AIFM2: variants seen among roughly 807,000 people sequenced by gnomAD.
AIFM2 encodes ferroptosis suppressor protein 1.
AIFM2 carries 38 observed loss-of-function variants against 35.7 expected under a neutral mutation model. The observed-to-expected ratio is 1.06, with a 90% confidence interval of 0.82 to 1.39. The LOEUF (loss-of-function observed/expected upper bound fraction) is 1.39. Among genes scored for constraint, AIFM2 ranks in the 40% most tolerant of loss-of-function variants. The pLI is 0.00. For synonymous variants in AIFM2, 185 were observed against 203.5 expected, an observed-to-expected ratio of 0.91 and a Z score of 0.77; for missense variants, 476 against 491.2, an observed-to-expected ratio of 0.97 and a Z score of 0.29.
Position 70,132,764 on chromosome 10 carries a change from G to GGCTCCCGCTCCGGCTCCC in AIFM2, c.-45_-44insGGGAGCCGGAGCGGGAGC, listed in dbSNP as rs2072641403. 2.0e-5 allele frequency: 3 copies of GGCTCCCGCTCCGGCTCCC among 152,486 alleles called. No individual in the cohort carries two copies. The highest frequency in any genetic ancestry group is 7.3e-5 in the African/African-American group (3 of 41,168). The allele number at this position is 152,486 out of a possible 1,614,324, so 9.4% of individuals were successfully genotyped here. A position where few individuals can be genotyped will look rare whatever the true frequency, so the allele number is the denominator to read the frequency against. ...GGCCGCGCCCGCGCGCTCTCGCTCC[G>GGCTCCCGCTCCGGCTCCC]GCTCCCGCTCCCGCTCCCGCTCCCG... On this transcript the variant is annotated 5_prime_UTR_variant, in exon 1 of 9. Coordinates refer to ENST00000307864, the MANE Select transcript of AIFM2 (RefSeq NM_032797.6).
intron 1 of AIFM2, among the ~76,000 whole-genome samples, chr10:70,129,242 A>AGG (rs934443914): frequency 3.3e-5 from 5 of 151,762 alleles, no homozygotes; most frequent in Admixed American, 3.3e-4. Context: ...CTGGAATTAC[A>AGG]GGGGTAAGCC....
rs2072500935 is a variant in AIFM2 at position 70,121,222 on chromosome 10, CCAAAAAAAAA to C, written c.295-21_295-12del. On this transcript the variant is annotated splice_polypyrimidine_tract_variant and intron_variant, in intron 3 of 8. Transcript: ENST00000307864. ...AGAGAAGGGCAGGGCCTGAGAGAAA[CCAAAAAAAAA>C]AAAAAAAAAAAAAAAAAAAAGATGA... 5.6e-6 allele frequency: 1 copy of C among 177,312 alleles called. No individual in the cohort carries two copies. The highest frequency in any genetic ancestry group is 1.2e-4 in the African/African-American group (1 of 8,266). The allele number at this position is 177,312 out of a possible 1,614,324, so 11.0% of individuals were successfully genotyped here. A position where few individuals can be genotyped will look rare whatever the true frequency, so the allele number is the denominator to read the frequency against.
In AIFM2 at chr10:70,131,097, T is replaced by C. The variant is rs143190049; in HGVS notation, c.-14+1637A>G. Among the ~76,000 whole-genome samples, 1 of 152,368 alleles carries C rather than the reference T, an allele frequency of 6.6e-6. No individual in the cohort carries two copies. Among genetic ancestry groups the C allele is most frequent in the Non-Finnish European group, 1.5e-5 (1 of 68,040 alleles). On this transcript the variant is annotated intron_variant, in intron 1 of 8. Transcript: ENST00000307864. This position sits in a 1 kb window ranked among gnomAD's most constrained non-coding sequence, Gnocchi z 4.1. ...ATTTATGCCAAAGCTGTTCAGAGGT[T>C]GTGCCTCAGAAGACACACAGCAGGA...
Position 70,117,886 on chromosome 10 carries a change from T to A in AIFM2, c.542A>T (p.Asp181Val). Residue 181 changes from aspartate (D) to valine (V), a missense_variant, in exon 6 of 9, where the codon GAC becomes GTC. Transcript: ENST00000307864. This position sits in a 1 kb window ranked among gnomAD's most constrained non-coding sequence, Gnocchi z 4.7. ...TLIHSQVALA[D>V]KELLPSVRQE... is the part of the protein sequence containing the mutation. ...CCGGACGGAGGGCAGGAGCTCCTTGTCAGCCAGGGCCACTTGGGAGTGAAT... is the reference window on the plus strand; with the variant it reads ...CCGGACGGAGGGCAGGAGCTCCTTGACAGCCAGGGCCACTTGGGAGTGAAT... 1.2e-6 allele frequency: 2 copies of A among 1,607,202 alleles called. No individual in the cohort carries two copies. Among genetic ancestry groups the A allele is most frequent in the Non-Finnish European group, 1.7e-6 (2 of 1,177,466 alleles).
At chr10:70,118,169 T>G (rs1229510748) in intron 5 of AIFM2, 1 of 440,204 alleles carries the variant, frequency 2.3e-6, no homozygotes, top group African/African-American at 2.1e-5. Context: ...TATGCCAACA[T>G]GTCACAACCT....
At chr10:70,115,231 C>A in intron 7 of AIFM2, 111 bp from the exon 8 acceptor site, 1 of 1,206,964 alleles carries the variant, frequency 8.3e-7, no homozygotes, top group Non-Finnish European at 1.2e-6. Flanking sequence ...CTGGTCAGGT[C>A]ACCCTCCTGA....
In AIFM2 at chr10:70,113,317, G is replaced by C. The variant is rs1335607900; in HGVS notation, c.*861C>G. 1 of 152,266 alleles carries C rather than the reference G, an allele frequency of 6.6e-6. No individual in the cohort carries two copies. The highest frequency in any genetic ancestry group is 2.4e-5 in the African/African-American group (1 of 41,450). The allele number at this position is 152,266 out of a possible 1,614,324, so 9.4% of individuals were successfully genotyped here. A position where few individuals can be genotyped will look rare whatever the true frequency, so the allele number is the denominator to read the frequency against. On this transcript the variant is annotated 3_prime_UTR_variant, in exon 9 of 9. Transcript: ENST00000307864. ...AGACGAATGGATCACCTGAGGTCAGGTGTTCGAGACCAGCCTGGCCAACAC... is the reference window on the plus strand; with the variant it reads ...AGACGAATGGATCACCTGAGGTCAGCTGTTCGAGACCAGCCTGGCCAACAC...
chr10:70,114,987 G>T lies in AIFM2; in HGVS notation c.903C>A (p.His301Gln). 1.2e-6 allele frequency: 2 copies of T among 1,614,192 alleles called. No homozygotes were observed. The highest frequency in any genetic ancestry group is 1.7e-6 in the Non-Finnish European group (2 of 1,180,022). The change falls in exon 8 of 9, where the codon CAC becomes CAA. Residue 301 changes from histidine (H) to glutamine (Q), a missense_variant. Transcript: ENST00000307864. The stretch of plus-strand genomic sequence containing the variant: ...CGATGTTGGCCACGGCGATGTTGGC[G>T]TGGAGGCCGGCAAGATAGGCCATCT... Reference protein sequence around the residue: ...TPKMAYLAGLHANIAVANIVN... With the variant: ...TPKMAYLAGLQANIAVANIVN...
At position 70,117,895 on chromosome 10, in the gene AIFM2, G is replaced by A; in HGVS notation, c.533C>T (p.Ala178Val). Residue 178 changes from alanine (A) to valine (V), a missense_variant, in exon 6 of 9, where the codon GCC becomes GTC. Physicochemically the swap from Ala to Val is moderately conservative, Grantham distance 64. Coordinates refer to ENST00000307864, the MANE Select transcript of AIFM2 (RefSeq NM_032797.6). This position sits in a 1 kb window ranked among gnomAD's most constrained non-coding sequence, Gnocchi z 4.7. ...KEVTLIHSQV[A>V]LADKELLPSV... Reference sequence around the variant, plus strand: ...GGGCAGGAGCTCCTTGTCAGCCAGGGCCACTTGGGAGTGAATGAGAGTGAC... The same window carrying A: ...GGGCAGGAGCTCCTTGTCAGCCAGGACCACTTGGGAGTGAATGAGAGTGAC... The A allele has an allele frequency of 6.2e-7, 1 of 1,607,686 alleles. No individual in the cohort carries two copies. The highest frequency in any genetic ancestry group is 8.5e-7 in the Non-Finnish European group (1 of 1,177,492).
rs75672536 is a variant in AIFM2, at chr10:70,118,324, C to T, written c.508-404G>A. On this transcript the variant is annotated intron_variant, in intron 5 of 8. Coordinates refer to ENST00000307864, the MANE Select transcript of AIFM2 (RefSeq NM_032797.6). ...AAATTAGTGCTTCCAGGCATGTCTA[C>T]TTGCTGTCTGGGACAACACAGGGAA... 1.2e-3 allele frequency: 202 copies of T among 167,606 alleles called. 2 individuals carry two copies. The East Asian group carries it at 0.032, about 27-fold the overall frequency. The allele number at this position is 167,606 out of a possible 1,614,324, so 10.4% of individuals were successfully genotyped here. A position where few individuals can be genotyped will look rare whatever the true frequency, so the allele number is the denominator to read the frequency against.
rs1460181353 is a variant in AIFM2 at position 70,123,465 on chromosome 10, C to T, written c.234G>A (p.Arg78=). Residue 78 remains arginine (R), a synonymous_variant, in exon 3 of 9, where the codon CGG becomes CGA. Coordinates refer to ENST00000307864, the MANE Select transcript of AIFM2 (RefSeq NM_032797.6). Reference sequence around the variant, plus strand: ...GGTCTATCCCCACTACTAGCCCCTGCCGGAAGTTGTCCTTGAAAGTCACCG... The same window carrying T: ...GGTCTATCCCCACTACTAGCCCCTGTCGGAAGTTGTCCTTGAAAGTCACCG... The part of the protein sequence containing the change: ...SYSVTFKDNF[R]QGLVVGIDLK... 1 of 1,614,102 alleles carries T rather than the reference C, an allele frequency of 6.2e-7. No individual in the cohort carries two copies. The highest frequency in any genetic ancestry group is 8.5e-7 in the Non-Finnish European group (1 of 1,180,034).
In AIFM2 at chr10:70,114,214, A is replaced by G. The variant is rs1455515651; in HGVS notation, c.1086T>C (p.Ser362=). 1.2e-6 allele frequency: 2 copies of G among 1,613,612 alleles called. No individual in the cohort carries two copies. Among genetic ancestry groups the G allele is most frequent in the Admixed American group, 3.3e-5 (2 of 59,886 alleles). ...ACTGCCTCATGGTTTTCCAGCTCGT[A>G]GAGACGAACAGGTCCCGGCTCTTGG... ...RLTKSRDLFV[S]TSWKTMRQSP... The change falls in exon 9 of 9, where the codon TCT becomes TCC. Residue 362 remains serine (S), a synonymous_variant. Coordinates refer to ENST00000307864, the MANE Select transcript of AIFM2 (RefSeq NM_032797.6).
At chr10:70,120,633 G>A (rs1210309746) in intron 4 of AIFM2, 34 bp from the exon 5 acceptor site, 2 of 1,607,104 alleles carry the variant, frequency 1.2e-6, no homozygotes, top group East Asian at 2.2e-5. Context: ...AGGGACATAT[G>A]AAACACACCT....
intron 1 of AIFM2, among the ~76,000 whole-genome samples, chr10:70,126,929 G>A (rs566276870): frequency 0.033 from 5,038 of 152,182 alleles, 143 homozygotes; most frequent in African/African-American, 0.079. Context: ...ACAACCCCCC[G>A]GCAGGCAGGG....
In AIFM2 at chr10:70,116,787, T is replaced by A. The variant is rs768289886; in HGVS notation, c.617-13A>T. ...CTCACCCGCTCACCTAGAAGGGGGT[T>A]CATGACCAGGAGGCTGGTGGGGACA... On this transcript the variant is annotated splice_polypyrimidine_tract_variant and intron_variant, in intron 6 of 8. Coordinates refer to ENST00000307864, the MANE Select transcript of AIFM2 (RefSeq NM_032797.6). The A allele has an allele frequency of 5.0e-6, 8 of 1,612,960 alleles. No individual in the cohort carries two copies. Among genetic ancestry groups the A allele is most frequent in the Non-Finnish European group, 5.9e-6 (7 of 1,179,206 alleles).
At chr10:70,124,620 G>A (rs1425563161) in intron 1 of AIFM2, among the ~76,000 whole-genome samples, 2 of 152,122 alleles carry the variant, frequency 1.3e-5, no homozygotes, top group African/African-American at 4.8e-5. Flanking sequence ...CCCTTATAAG[G>A]GCAGACCTTA....
intron 7 of AIFM2, 55 bp from the exon 8 acceptor site, chr10:70,115,175 C>T (rs2072422133): frequency 1.3e-6 from 2 of 1,583,994 alleles, no homozygotes; most frequent in Admixed American, 3.5e-5. Context: ...GTTAAGTGGC[C>T]ACCAGGAGGA....
Position 70,118,014 on chromosome 10 carries a change from G to A in AIFM2, c.508-94C>T, listed in dbSNP as rs1435782715. ...CGTCCACCTCCACTCATACCTCCAG[G>A]TTACAGATGAGGAAACTGAAGCTCC... is the stretch of plus-strand genomic sequence containing the variant. On this transcript the variant is annotated intron_variant, in intron 5 of 8. Transcript: ENST00000307864. 4.7e-6 allele frequency: 4 copies of A among 854,800 alleles called. No individual in the cohort carries two copies. In the African/African-American group the frequency reaches 5.2e-5, roughly 11 times the overall value. 53.0% of individuals were successfully genotyped at this position (854,800 alleles called of 1,614,324 possible).
chr10:70,123,301 G>A (rs555025274), intron 3 of AIFM2, 104 bp downstream of exon 3: 3 of 988,916 alleles, frequency 3.0e-6, no homozygotes, highest in South Asian at 1.5e-5. Flanking sequence ...TTACAGGTGT[G>A]AGCCACCGCC....
Sources: allele counts gnomAD v4.1 joint callset (sites outside exome capture counted in the v4.1 genomes callset), GRCh38; gene constraint gnomAD v4.1.1; non-coding constraint Gnocchi (gnomAD v3.1); transcripts MANE v1.5; gene names NCBI Gene and HGNC (gene_info 2026-07-23, HGNC 2026-07-21).